MUC5AC: variants seen among roughly 807,000 people sequenced by gnomAD.
MUC5AC encodes mucin 5AC, oligomeric mucus/gel-forming.
A neutral mutation model predicts 169.7 loss-of-function variants in MUC5AC; 158 were observed. The observed-to-expected ratio is 0.93, with a 90% CI of 0.82 to 1.06. MUC5AC has a LOEUF of 1.06. MUC5AC is among the 50% of genes least tolerant of loss of function. The pLI is 0.00. For missense variants in MUC5AC, 4,359 were observed against 3,089.9 expected, an observed-to-expected ratio of 1.41 and a Z score of -9.74; for synonymous variants, 1,975 against 1,237.0, an observed-to-expected ratio of 1.60 and a Z score of -12.52.
rs199699058 is a variant in MUC5AC, at chr11:1,199,770, TA to T, written c.16585+7del. The T allele has an allele frequency of 2.8e-6, 2 of 717,170 alleles. No homozygotes were observed. Among genetic ancestry groups the T allele is most frequent in the South Asian group, 1.4e-5 (1 of 69,124 alleles). 44.4% of individuals were successfully genotyped at this position (717,170 alleles called of 1,614,324 possible). A position where few individuals can be genotyped will look rare whatever the true frequency, so the allele number is the denominator to read the frequency against. On this transcript the variant is annotated splice_region_variant and intron_variant, in intron 47 of 48. Coordinates refer to ENST00000621226, the MANE Select transcript of MUC5AC (RefSeq NM_001304359.2). ...CCCGCCCCCGTACCAGAACCGTGAG[TA>T]CCCAGCCTGCTGGGCGGGGCGGGCT...
intron 3 of MUC5AC, 78 bp downstream of exon 3, chr11:1,161,664 G>A (rs1590132460): frequency 1.3e-5 from 20 of 1,492,378 alleles, no homozygotes; most frequent in Non-Finnish European, 1.8e-5. Context: ...GAGGTGCCGG[G>A]TGGAGAGGGG....
At position 1,183,766 on chromosome 11, in the gene MUC5AC, C is replaced by A; in HGVS notation, c.5621C>A (p.Thr1874Asn). ...TPSTTSKTTETQASGSSAPSS... is the reference protein window; with the variant it reads ...TPSTTSKTTENQASGSSAPSS... ...TCAACAACCTCCAAGACCACTGAAA[C>A]CCAGGCCTCAGGCTCCTCAGCCCCC... Residue 1874 changes from threonine to asparagine, a missense_variant, in exon 31 of 49, where the codon ACC (threonine) becomes AAC (asparagine). Thr to Asn is a moderately conservative substitution (Grantham distance 65). Transcript: ENST00000621226. The A allele has an allele frequency of 2.2e-6, 1 of 464,180 alleles. No individual in the cohort carries two copies. Among genetic ancestry groups the A allele is most frequent in the Non-Finnish European group, 3.7e-6 (1 of 267,248 alleles). The allele number at this position is 464,180 out of a possible 1,614,324, so 28.8% of individuals were successfully genotyped here. A position where few individuals can be genotyped will look rare whatever the true frequency, so the allele number is the denominator to read the frequency against.
At chr11:1,171,068 C>T (rs1481704019) in intron 15 of MUC5AC, among the ~76,000 whole-genome samples, 6 of 99,552 alleles carry the variant, frequency 6.0e-5, no homozygotes, top group African/African-American at 1.9e-4. Context: ...ACCCACTCAC[C>T]GACTCACCCA....
chr11:1,194,004 G>A, intron 33 of MUC5AC, 106 bp from the exon 34 acceptor site: 1 of 689,160 alleles, frequency 1.5e-6, no homozygotes, highest in Non-Finnish European at 2.6e-6. Context: ...CCTGTGAGAT[G>A]AGACGGTGGG....
rs912450397 is a variant in MUC5AC, at chr11:1,175,104, A to G, written c.2315A>G (p.Asn772Ser). ...PCYHRGSMIP[N>S]GESVHDSGAI... The stretch of plus-strand genomic sequence containing the variant: ...TACCACAGAGGCTCCATGATCCCCA[A>G]TGGGGAGTCGGTGCACGACAGCGGG... Residue 772 changes from asparagine (N) to serine (S), a missense_variant, in exon 18 of 49, where the codon AAT becomes AGT. By Grantham distance (46) the Asn-to-Ser change is conservative. Coordinates refer to ENST00000621226, the MANE Select transcript of MUC5AC (RefSeq NM_001304359.2). 8 of 399,190 alleles carry G rather than the reference A, an allele frequency of 2.0e-5. No homozygotes were observed. The highest frequency in any genetic ancestry group is 4.1e-5 in the African/African-American group (2 of 48,608). The allele number at this position is 399,190 out of a possible 1,614,324, so 24.7% of individuals were successfully genotyped here. A position where few individuals can be genotyped will look rare whatever the true frequency, so the allele number is the denominator to read the frequency against.
chr11:1,197,749 C>T (rs548980206), intron 41 of MUC5AC, 110 bp downstream of exon 41: 16 of 630,322 alleles, frequency 2.5e-5, no homozygotes, highest in South Asian at 3.5e-5. Flanking sequence ...ACAGTGCCTA[C>T]GAGGGCGTCC....
Position 1,190,457 on chromosome 11 carries a change from C to T in MUC5AC, c.12312C>T (p.Ser4104=), listed in dbSNP as rs1861058843. 10 of 693,540 alleles carry T rather than the reference C, an allele frequency of 1.4e-5. No individual in the cohort carries two copies. Among genetic ancestry groups the T allele is most frequent in the South Asian group, 6.2e-5 (4 of 64,922 alleles). The allele number at this position is 693,540 out of a possible 1,614,324, so 43.0% of individuals were successfully genotyped here. A position where few individuals can be genotyped will look rare whatever the true frequency, so the allele number is the denominator to read the frequency against. Residue 4104 remains serine (S), a synonymous_variant, in exon 31 of 49, where the codon AGC becomes AGT. Coordinates refer to ENST00000621226, the MANE Select transcript of MUC5AC (RefSeq NM_001304359.2). Reference sequence around the variant, plus strand: ...GCACAACCTCCACTCCACAGACCAGCACAACCTCTGCCCCTACAACCAGCA... The same window carrying T: ...GCACAACCTCCACTCCACAGACCAGTACAACCTCTGCCCCTACAACCAGCA... The part of the protein sequence containing the change: ...TTSTTSTPQT[S]TTSAPTTSTI...
chr11:1,171,569 T>C, intron 15 of MUC5AC, among the ~76,000 whole-genome samples: 1 of 100,994 alleles, frequency 9.9e-6, no homozygotes. Flanking sequence ...ACTCACCCAC[T>C]CACTTACCCA....
rs764269023 is a variant in MUC5AC, at chr11:1,196,447, T to A, written c.15697T>A (p.Cys5233Ser). The A allele has an allele frequency of 1.3e-6, 1 of 765,010 alleles. No individual in the cohort carries two copies. 47.4% of individuals were successfully genotyped at this position (765,010 alleles called of 1,614,324 possible). The change falls in exon 38 of 49, where the codon TGC becomes AGC. Residue 5233 changes from cysteine to serine, a missense_variant. Physicochemically the swap from Cys to Ser is moderately radical, Grantham distance 112. Transcript: ENST00000621226. ...CTGCGGCCCGAGCAACCCCTCCTAC[T>A]GCTACGGGAATGACAGCGCCAGCCT... ...QPCGPSNPSY[C>S]YGNDSASLGA...
At chr11:1,192,570 T>C in intron 31 of MUC5AC, 45 bp downstream of exon 31, 1 of 751,802 alleles carries the variant, frequency 1.3e-6, no homozygotes, top group Non-Finnish European at 2.4e-6. Context: ...CTCACCCTGG[T>C]CAGTTTTTTA....
At chr11:1,179,293 G>T in intron 26 of MUC5AC, 45 bp downstream of exon 26, 2 of 511,956 alleles carry the variant, frequency 3.9e-6, no homozygotes, top group Non-Finnish European at 7.0e-6. Flanking sequence ...AGCGCCGGCA[G>T]CGTGTGCCCC....
chr11:1,171,935 CCACT>C (rs1322006353), intron 15 of MUC5AC, among the ~76,000 whole-genome samples: 1 of 120,408 alleles, frequency 8.3e-6, no homozygotes, highest in East Asian at 2.3e-4. Context: ...ACTCACTCAT[CCACT>C]CATTCACTCA....
chr11:1,191,807 C>T lies in MUC5AC; in HGVS notation c.13662C>T (p.Thr4554=), dbSNP rs1590148779. ...SLSPVPTTST[T]SAPTTSTTSG... is the part of the protein sequence containing the mutation. ...GCCCTGTTCCCACCACGAGCACAAC[C>T]TCTGCTCCTACAACTAGCACAACCT... is the stretch of plus-strand genomic sequence containing the variant. The change falls in exon 31 of 49, where the codon ACC becomes ACT. Residue 4554 remains threonine, a synonymous_variant. Transcript: ENST00000621226. The T allele has an allele frequency of 1.3e-6, 1 of 763,302 alleles. No individual in the cohort carries two copies. Among genetic ancestry groups the T allele is most frequent in the Non-Finnish European group, 2.4e-6 (1 of 416,934 alleles). 47.3% of individuals were successfully genotyped at this position (763,302 alleles called of 1,614,324 possible). A position where few individuals can be genotyped will look rare whatever the true frequency, so the allele number is the denominator to read the frequency against.
intron 3 of MUC5AC, 102 bp from the exon 4 acceptor site, chr11:1,161,805 C>T: frequency 6.7e-7 from 1 of 1,484,876 alleles, no homozygotes; most frequent in East Asian, 2.4e-5. Flanking sequence ...GCAGCACTTC[C>T]TGCAGGACCC....
rs756761528 is a variant in MUC5AC, at chr11:1,168,854, G to A, written c.1706-8G>A. The A allele has an allele frequency of 6.9e-5, 109 of 1,585,106 alleles. No homozygotes were observed. The highest frequency in any genetic ancestry group is 3.4e-4 in the East Asian group (15 of 44,342). On this transcript the variant is annotated splice_polypyrimidine_tract_variant and splice_region_variant and intron_variant, in intron 14 of 48. Transcript: ENST00000621226. The stretch of plus-strand genomic sequence containing the variant: ...GCATGGTCCTCAACCTGCCTAACCC[G>A]CCCCCAGGTCTCTGTGGGAACTTCA...
At chr11:1,194,077 G>A (rs1861194035) in intron 33 of MUC5AC, 33 bp from the exon 34 acceptor site, 5 of 759,360 alleles carry the variant, frequency 6.6e-6, no homozygotes, top group Admixed American at 1.7e-5. Context: ...CACCACCCGA[G>A]CCACCCGTAA....
In MUC5AC at chr11:1,163,875, G is replaced by C; in HGVS notation, c.680-7G>C. The C allele has an allele frequency of 6.3e-7, 1 of 1,598,244 alleles. No individual in the cohort carries two copies. Among genetic ancestry groups the C allele is most frequent in the Non-Finnish European group, 8.5e-7 (1 of 1,173,290 alleles). On this transcript the variant is annotated splice_polypyrimidine_tract_variant and splice_region_variant and intron_variant, in intron 6 of 48. Coordinates refer to ENST00000621226, the MANE Select transcript of MUC5AC (RefSeq NM_001304359.2). ...GCAGGCAGAGCCCGCCTCTGTGCTT[G>C]CCGCAGACACCAAGCTGACACCCAT...
Position 1,161,570 on chromosome 11 carries a change from C to T in MUC5AC, c.195C>T (p.Thr65=). ...RGATVFPSLR[T]IPVVRASNPA... ...CGACTGTCTTCCCATCTCTGAGGAC[C>T]ATCCCTGTGGTACGAGGTGAGTGGA... The change falls in exon 3 of 49, where the codon ACC becomes ACT. Residue 65 remains threonine, a synonymous_variant. Coordinates refer to ENST00000621226, the MANE Select transcript of MUC5AC (RefSeq NM_001304359.2). 1 of 1,610,378 alleles carries T rather than the reference C, an allele frequency of 6.2e-7. No individual in the cohort carries two copies. The highest frequency in any genetic ancestry group is 8.5e-7 in the Non-Finnish European group (1 of 1,178,416).
At chr11:1,198,840 G>A in intron 43 of MUC5AC, 34 bp from the exon 44 acceptor site, 1 of 706,280 alleles carries the variant, frequency 1.4e-6, no homozygotes, top group Non-Finnish European at 2.6e-6. Flanking sequence ...CAGGGCCCAA[G>A]CTCATGAGTG....
Sources: gnomAD v4.1 joint callset for allele counts (sites outside exome capture counted in the v4.1 genomes callset) on GRCh38, gnomAD v4.1.1 for gene constraint, MANE v1.5 for transcripts, NCBI Gene and HGNC (gene_info 2026-07-23, HGNC 2026-07-21) for gene names.